ZNF347: variants seen among roughly 807,000 people sequenced by gnomAD.
ZNF347 encodes the protein zinc finger protein 347, also known as CTD-2620I22.7.
Under a neutral mutation model 12.9 loss-of-function variants are expected in ZNF347, and 19 were observed. The ratio of observed to expected loss-of-function variants is 1.47; its 90% CI spans 1.03 to 2.16. ZNF347 has a LOEUF of 2.16. ZNF347 is among the 30% of genes most tolerant of loss of function. The pLI is 0.00. For missense variants in ZNF347, 1,005 were observed against 990.6 expected, an observed-to-expected ratio of 1.01 and a Z score of -0.19; for synonymous variants, 328 against 340.6, an observed-to-expected ratio of 0.96 and a Z score of 0.41.
chr19:53,153,611 C>G (rs981380213), intron 2 of ZNF347, 122 bp downstream of exon 2: 2 of 1,463,594 alleles, frequency 1.4e-6, no homozygotes, highest in Non-Finnish European at 1.9e-6. Flanking sequence ...GGAAGGCACG[C>G]GTAAGTGCGA....
rs77768344 is a variant in ZNF347, at chr19:53,148,919, A to G, written c.143-110T>C. ...CAGCTGTATCTAAAAAAACACTTCA[A>G]AAATTCATCCACTAAATGCTTCTTT... On this transcript the variant is annotated intron_variant, in intron 3 of 4. Transcript: ENST00000334197. 2,517 of 1,407,198 alleles carry G rather than the reference A, an allele frequency of 1.8e-3. 44 individuals carry two copies. In the African/African-American group the frequency reaches 0.033, roughly 18 times the overall value. 87.2% of individuals were successfully genotyped at this position (1,407,198 alleles called of 1,614,324 possible). A position where few individuals can be genotyped will look rare whatever the true frequency, so the allele number is the denominator to read the frequency against.
rs374892785 is a variant in ZNF347 at position 53,140,436 on chromosome 19, G to T, written c.2392C>A (p.Pro798Thr). ...GTTAGGCTTGAACAGATACTAAAGG[G>T]TTTCCCACACTCATATGGTTTCTCT... ...TGEKPYECGK[P>T]FSICSSLTTH... The change falls in exon 5 of 5, where the codon CCC (proline) becomes ACC (threonine). Residue 798 changes from proline to threonine, a missense_variant. Transcript: ENST00000334197. 5.6e-6 allele frequency: 9 copies of T among 1,613,608 alleles called. No homozygotes were observed. Among genetic ancestry groups the T allele is most frequent in the Admixed American group, 3.3e-5 (2 of 59,942 alleles).
Position 53,140,804 on chromosome 19 carries a change from T to C in ZNF347, c.2024A>G (p.His675Arg). The change falls in exon 5 of 5, where the codon CAT (histidine) becomes CGT (arginine). Residue 675 changes from histidine (H) to arginine (R), a missense_variant. Physicochemically the swap from His to Arg is conservative, Grantham distance 29. Coordinates refer to ENST00000334197, the MANE Select transcript of ZNF347 (RefSeq NM_032584.3). ...ACACTGGTAAGGTTTACCTCCAGTA[T>C]GAACTCTCCGATGTCTTGCAAGGTG... The part of the protein sequence containing the change: ...NSHLARHRRV[H>R]TGGKPYQCNE... 1 of 1,613,870 alleles carries C rather than the reference T, an allele frequency of 6.2e-7. No individual in the cohort carries two copies. Among genetic ancestry groups the C allele is most frequent in the Non-Finnish European group, 8.5e-7 (1 of 1,179,810 alleles).
intron 1 of ZNF347, among the ~76,000 whole-genome samples, chr19:53,154,659 A>G (rs1177306816): frequency 1.3e-5 from 2 of 152,154 alleles, no homozygotes; most frequent in Non-Finnish European, 2.9e-5. Flanking sequence ...CCAAGAAAAT[A>G]GAAGAGAAAG....
chr19:53,139,480 A>AG lies in ZNF347; in HGVS notation c.*827dup, dbSNP rs2090405788. On this transcript the variant is annotated 3_prime_UTR_variant, in exon 5 of 5. Coordinates refer to ENST00000334197, the MANE Select transcript of ZNF347 (RefSeq NM_032584.3). Reference sequence around the variant, plus strand: ...ATAGTTCAGGTTGAAAGTCACAAACAGTAGCCTTTTTGAGAAACCTCAAAC... The same window carrying AG: ...ATAGTTCAGGTTGAAAGTCACAAACAGGTAGCCTTTTTGAGAAACCTCAAAC... 6.6e-6 allele frequency: 1 copy of AG among 152,254 alleles called. No homozygotes were observed. Among genetic ancestry groups the AG allele is most frequent in the South Asian group, 2.1e-4 (1 of 4,834 alleles). 9.4% of individuals were successfully genotyped at this position (152,254 alleles called of 1,614,324 possible). A position where few individuals can be genotyped will look rare whatever the true frequency, so the allele number is the denominator to read the frequency against.
At chr19:53,153,593 G>C (rs1236413193) in intron 2 of ZNF347, 140 bp downstream of exon 2, 2 of 1,446,928 alleles carry the variant, frequency 1.4e-6, no homozygotes, top group Non-Finnish European at 1.9e-6. Flanking sequence ...GAGATGAGAG[G>C]GACTGAGGGA....
intron 1 of ZNF347, 99 bp from the exon 2 acceptor site, chr19:53,153,892 C>G: frequency 1.5e-6 from 1 of 662,644 alleles, no homozygotes; most frequent in Non-Finnish European, 2.5e-6. Flanking sequence ...ATGCCACAAT[C>G]ACACACACAC....
Position 53,140,817 on chromosome 19 carries a change from G to A in ZNF347, c.2011C>T (p.His671Tyr), listed in dbSNP as rs1222026470. The change falls in exon 5 of 5, where the codon CAT becomes TAT. Residue 671 changes from histidine (H) to tyrosine (Y), a missense_variant. Coordinates refer to ENST00000334197, the MANE Select transcript of ZNF347 (RefSeq NM_032584.3). ...TTACCTCCAGTATGAACTCTCCGAT[G>A]TCTTGCAAGGTGTGAATTCTGAGTG... Reference protein sequence around the residue: ...VFTQNSHLARHRRVHTGGKPY... With the variant: ...VFTQNSHLARYRRVHTGGKPY... 3.1e-6 allele frequency: 5 copies of A among 1,613,784 alleles called. 1 individual carries two copies. In the South Asian group the frequency reaches 4.4e-5, roughly 14 times the overall value.
chr19:53,145,909 T>C (rs2090459713), intron 4 of ZNF347, among the ~76,000 whole-genome samples: 1 of 151,144 alleles, frequency 6.6e-6, no homozygotes, highest in African/African-American at 2.4e-5. Context: ...AAGATCACAG[T>C]AGAACTAACC....
chr19:53,156,047 G>GGGGC (rs2090532229), intron 1 of ZNF347, among the ~76,000 whole-genome samples: 1 of 108,536 alleles, frequency 9.2e-6, no homozygotes, highest in Admixed American at 8.8e-5. Flanking sequence ...TCCCAGCTCG[G>GGGGC]GGGGGGGGGG....
rs1033557209 is a variant in ZNF347, at chr19:53,136,793, T to C, written c.*3515A>G. On this transcript the variant is annotated 3_prime_UTR_variant, in exon 5 of 5. Transcript: ENST00000334197. The stretch of plus-strand genomic sequence containing the variant: ...AGCATTTCACAAATATTTTCAAGAA[T>C]GACGTTGTGTAATGGGCCCTATGGG... 3 of 152,350 alleles carry C rather than the reference T, an allele frequency of 2.0e-5. No individual in the cohort carries two copies. Among genetic ancestry groups the C allele is most frequent in the African/African-American group, 4.8e-5 (2 of 41,582 alleles). 9.4% of individuals were successfully genotyped at this position (152,350 alleles called of 1,614,324 possible).
In ZNF347 at chr19:53,137,676, TACAAAA is replaced by T. The variant is rs2090394668; in HGVS notation, c.*2626_*2631del. The T allele has an allele frequency of 6.6e-6, 1 of 152,208 alleles. No homozygotes were observed. The highest frequency in any genetic ancestry group is 2.4e-5 in the African/African-American group (1 of 41,460). The allele number at this position is 152,208 out of a possible 1,614,324, so 9.4% of individuals were successfully genotyped here. On this transcript the variant is annotated 3_prime_UTR_variant, in exon 5 of 5. Transcript: ENST00000334197. The stretch of plus-strand genomic sequence containing the variant: ...AAATTTATGAAACTTCTAGTTTACC[TACAAAA>T]ACAAAATTTCCATTATATATGTTCA...
intron 4 of ZNF347, among the ~76,000 whole-genome samples, chr19:53,148,100 A>G (rs2090474495): frequency 6.6e-6 from 1 of 152,210 alleles, no homozygotes; most frequent in Admixed American, 6.5e-5. Context: ...GATCTGAAAG[A>G]CAAGGATGTC....
At chr19:53,152,563 C>T (rs1248822213) in intron 2 of ZNF347, among the ~76,000 whole-genome samples, 2 of 151,936 alleles carry the variant, frequency 1.3e-5, no homozygotes, top group Non-Finnish European at 2.9e-5. Flanking sequence ...GCCGAGATTG[C>T]ACCACTCCAG....
In ZNF347 at chr19:53,141,998, G is replaced by A; in HGVS notation, c.830C>T (p.Ala277Val). The A allele has an allele frequency of 6.2e-7, 1 of 1,614,136 alleles. No individual in the cohort carries two copies. Residue 277 changes from alanine to valine, a missense_variant, in exon 5 of 5, where the codon GCA becomes GTA. Physicochemically the swap from Ala to Val is moderately conservative, Grantham distance 64 (BLOSUM62 0). Transcript: ENST00000334197. ...GMVFPQNSHLASHQRSHTKEK... is the reference protein window; with the variant it reads ...GMVFPQNSHLVSHQRSHTKEK... ...TTTAGTATGACTTCTCTGATGACTTGCAAGGTGTGAATTTTGAGGAAAGAC... is the reference window on the plus strand; with the variant it reads ...TTTAGTATGACTTCTCTGATGACTTACAAGGTGTGAATTTTGAGGAAAGAC...
At chr19:53,155,842 CCAG>C (rs1301328664) in intron 1 of ZNF347, among the ~76,000 whole-genome samples, 1 of 152,152 alleles carries the variant, frequency 6.6e-6, no homozygotes, top group Non-Finnish European at 1.5e-5. Flanking sequence ...CAGGCCATTC[CCAG>C]TCACTACTGA....
chr19:53,137,799 A>AT lies in ZNF347; in HGVS notation c.*2508dup. ...TTTTTGTTATTCTGCACTATTTATA[A>AT]TTTCATAATTTTTTTTTTTGAGACG... On this transcript the variant is annotated 3_prime_UTR_variant, in exon 5 of 5. Coordinates refer to ENST00000334197, the MANE Select transcript of ZNF347 (RefSeq NM_032584.3). 6.6e-6 allele frequency: 1 copy of AT among 152,090 alleles called. No homozygotes were observed. The highest frequency in any genetic ancestry group is 1.9e-4 in the East Asian group (1 of 5,168). 9.4% of individuals were successfully genotyped at this position (152,090 alleles called of 1,614,324 possible).
intron 2 of ZNF347, among the ~76,000 whole-genome samples, chr19:53,150,859 C>T (rs1053781767): frequency 6.6e-6 from 1 of 152,182 alleles, no homozygotes; most frequent in Non-Finnish European, 1.5e-5. Context: ...CCGGCCTCAG[C>T]CTCCCAAGTA....
intron 4 of ZNF347, among the ~76,000 whole-genome samples, chr19:53,145,289 AG>A: frequency 1.5e-5 from 1 of 67,448 alleles, no homozygotes; most frequent in Non-Finnish European, 3.3e-5. Context: ...GAGTCTGTCT[AG>A]AAAAAAAAAA....
Sources: gnomAD v4.1 joint callset for allele counts (sites outside exome capture counted in the v4.1 genomes callset) on GRCh38, gnomAD v4.1.1 for gene constraint, MANE v1.5 for transcripts, NCBI Gene and HGNC (gene_info 2026-07-23, HGNC 2026-07-21) for gene names.